C8orf74: variants seen among roughly 807,000 people sequenced by gnomAD.
C8orf74 encodes chromosome 8 open reading frame 74, also known as uncharacterized protein C8orf74.
Under a neutral mutation model 22.2 loss-of-function variants are expected in C8orf74, and 29 were observed. That is an observed-to-expected ratio of 1.31 (90% CI 0.97 to 1.78). The LOEUF is 1.78. C8orf74 is among the 40% of genes most tolerant of loss of function. The probability of loss-of-function intolerance (pLI) is 0.00; values close to 1 mark genes in which losing one functional copy is unlikely to be tolerated. For synonymous variants in C8orf74, 255 were observed against 163.1 expected (o/e 1.56, Z -4.30); for missense variants, 515 against 369.9 (o/e 1.39, Z -3.22).
chr8:10,687,481 T>C (rs530997136), intron 2 of C8orf74, among the ~76,000 whole-genome samples: 1 of 151,820 alleles, frequency 6.6e-6, no homozygotes, highest in East Asian at 1.9e-4. Flanking sequence ...AAAACCCCCA[T>C]CTCTACTAAA....
chr8:10,690,344 T>C (rs2129058027), intron 2 of C8orf74, among the ~76,000 whole-genome samples: 1 of 152,194 alleles, frequency 6.6e-6, no homozygotes, highest in South Asian at 2.1e-4. Flanking sequence ...ACCTGGGCGG[T>C]ACAGTCCCCG....
intron 3 of C8orf74, among the ~76,000 whole-genome samples, 188 bp downstream of exon 3, chr8:10,698,193 TGATGAGAC>T (rs1799573867): frequency 6.6e-6 from 1 of 152,142 alleles, no homozygotes; most frequent in South Asian, 2.1e-4. Context: ...CCTATTTTAG[TGATGAGAC>T]GACTGAGGCG....
rs1314567436 is a variant in C8orf74, at chr8:10,697,612, T to C, written c.255T>C (p.Thr85=). 1.2e-6 allele frequency: 2 copies of C among 1,613,730 alleles called. No individual in the cohort carries two copies. Among genetic ancestry groups the C allele is most frequent in the Non-Finnish European group, 1.7e-6 (2 of 1,179,728 alleles). The change falls in exon 3 of 4, where the codon ACT becomes ACC. Residue 85 remains threonine (T), a synonymous_variant. Coordinates refer to ENST00000304519, the MANE Select transcript of C8orf74 (RefSeq NM_001040032.2). ...CTGTGCCTACAGGCTGCTCCATTAC[T>C]GAGGCTGTGACGATCCTGGGGAACA... The part of the protein sequence containing the change: ...LLRETKGCSI[T]EAVTILGNKL...
At chr8:10,697,432 G>C (rs1488774270) in intron 2 of C8orf74, among the ~76,000 whole-genome samples, 167 bp from the exon 3 acceptor site, 1 of 152,124 alleles carries the variant, frequency 6.6e-6, no homozygotes, top group Non-Finnish European at 1.5e-5. Flanking sequence ...GCCTGGGTGA[G>C]AGTTAGACCC....
intron 2 of C8orf74, among the ~76,000 whole-genome samples, chr8:10,676,625 C>T (rs1321454435): frequency 6.6e-6 from 1 of 152,180 alleles, no homozygotes; most frequent in African/African-American, 2.4e-5. Context: ...TGCGTTCCCA[C>T]CCAGTGGTCC....
chr8:10,675,204 G>A (rs1472384993), intron 2 of C8orf74, among the ~76,000 whole-genome samples: 2 of 152,232 alleles, frequency 1.3e-5, no homozygotes, highest in Non-Finnish European at 2.9e-5. Context: ...GTTGTTCCTG[G>A]TAGGAGATCT....
At chr8:10,695,682 C>G (rs183057371) in intron 2 of C8orf74, among the ~76,000 whole-genome samples, 1 of 152,042 alleles carries the variant, frequency 6.6e-6, no homozygotes, top group South Asian at 2.1e-4. Flanking sequence ...AAAACAACCT[C>G]GTGGGCAAGA....
intron 2 of C8orf74, among the ~76,000 whole-genome samples, chr8:10,677,797 C>T (rs945204255): frequency 6.6e-6 from 1 of 152,146 alleles, no homozygotes; most frequent in Admixed American, 6.5e-5. Flanking sequence ...TTTATATAGC[C>T]GATGGGTGCA....
chr8:10,692,406 G>A (rs906541902), intron 2 of C8orf74: 1 of 152,314 alleles, frequency 6.6e-6, no homozygotes, highest in African/African-American at 2.4e-5. Flanking sequence ...ATGTCTGGGT[G>A]GGCCTGGCCT....
intron 2 of C8orf74, chr8:10,691,030 G>A (rs1484439616): frequency 4.6e-6 from 2 of 434,378 alleles, no homozygotes; most frequent in East Asian, 7.2e-5. Context: ...CACTTTCTGA[G>A]TCACCAGGAA....
In C8orf74 at chr8:10,700,238, T is replaced by C. The variant is rs1799624826; in HGVS notation, c.652T>C (p.Leu218=). ...CGGCCTTCCCCTTTCCTTCCAGGAG[T>C]TGGAGAGCCTCATCTGCCAGGCAGT... is the stretch of plus-strand genomic sequence containing the variant. ...QPGQVLERQE[L]ESLICQAVHT... Residue 218 remains leucine (L), a synonymous_variant, in exon 4 of 4, where the codon TTG becomes CTG. Transcript: ENST00000304519. 1.9e-6 allele frequency: 3 copies of C among 1,591,558 alleles called. No individual in the cohort carries two copies. The highest frequency in any genetic ancestry group is 1.7e-5 in the Admixed American group (1 of 58,648).
intron 2 of C8orf74, among the ~76,000 whole-genome samples, chr8:10,677,365 C>G (rs562684363): frequency 1.1e-4 from 17 of 152,268 alleles, no homozygotes; most frequent in African/African-American, 3.4e-4. Context: ...ACTAGACATC[C>G]TAGTACCTTT....
intron 2 of C8orf74, among the ~76,000 whole-genome samples, chr8:10,679,005 G>A (rs563615974): frequency 2.6e-5 from 4 of 152,288 alleles, no homozygotes; most frequent in South Asian, 4.1e-4. Flanking sequence ...TCCTTCCCGG[G>A]TTCTCCTCAC....
rs1358688489 is a variant in C8orf74, at chr8:10,697,680, T to C, written c.323T>C (p.Leu108Pro). Residue 108 changes from leucine (L) to proline (P), a missense_variant, in exon 3 of 4, where the codon CTG (leucine) becomes CCG (proline). By Grantham distance (98) the Leu-to-Pro change is moderately conservative (BLOSUM62 -3). Transcript: ENST00000304519. ...GGCCATTTCAACACCACCCACCTGCTGGCCCTCTGTGACTACTTCCACCAC... is the reference window on the plus strand; with the variant it reads ...GGCCATTTCAACACCACCCACCTGCCGGCCCTCTGTGACTACTTCCACCAC... The part of the protein sequence containing the change: ...YRGHFNTTHL[L>P]ALCDYFHHTF... 6 of 1,613,882 alleles carry C rather than the reference T, an allele frequency of 3.7e-6. No homozygotes were observed. The African/African-American group carries it at 8.0e-5, about 22-fold the overall frequency.
chr8:10,687,212 C>T (rs77867564), intron 2 of C8orf74: 9,080 of 425,386 alleles, frequency 0.021, 515 homozygotes, highest in African/African-American at 0.14. Flanking sequence ...GAAAGCACCA[C>T]ATATGCATGC....
rs532898124 is a variant in C8orf74 at position 10,685,520 on chromosome 8, G to A, written c.241+10682G>A. ...CACGGAGGAACCTTGAAGACATTACGTTACGTGAAATAATCTAGATGCAAA... is the reference window on the plus strand; with the variant it reads ...CACGGAGGAACCTTGAAGACATTACATTACGTGAAATAATCTAGATGCAAA... On this transcript the variant is annotated intron_variant, in intron 2 of 3. Transcript: ENST00000304519. Among the ~76,000 whole-genome samples the A allele has an allele frequency of 4.6e-5, 7 of 152,312 alleles. No homozygotes were observed. In the South Asian group the frequency reaches 6.2e-4, roughly 14 times the overall value.
At chr8:10,676,777 G>A (rs1382801536) in intron 2 of C8orf74, among the ~76,000 whole-genome samples, 1 of 152,128 alleles carries the variant, frequency 6.6e-6, no homozygotes, top group African/African-American at 2.4e-5. Flanking sequence ...CCTCCCCACT[G>A]CTCACAGCCA....
At chr8:10,685,176 G>A (rs1799236344) in intron 2 of C8orf74, among the ~76,000 whole-genome samples, 1 of 152,200 alleles carries the variant, frequency 6.6e-6, no homozygotes, top group African/African-American at 2.4e-5. Flanking sequence ...GTTAAGGGTG[G>A]ACTACTGTAT....
At chr8:10,694,841 C>T (rs79856813) in intron 2 of C8orf74, among the ~76,000 whole-genome samples, 17,013 of 151,580 alleles carry the variant, frequency 0.11, 2,729 homozygotes, top group African/African-American at 0.35. Flanking sequence ...GATAAACAAA[C>T]GGGTGGAAAA....
Sources: gnomAD v4.1 joint callset for allele counts (sites outside exome capture counted in the v4.1 genomes callset) on GRCh38, gnomAD v4.1.1 for gene constraint, MANE v1.5 for transcripts, NCBI Gene and HGNC (gene_info 2026-07-23, HGNC 2026-07-21) for gene names.